PRKAG2: variants seen among roughly 807,000 people sequenced by gnomAD.
The protein encoded by PRKAG2 is 5'-AMP-activated protein kinase subunit gamma-2.
A neutral mutation model predicts 69.6 loss-of-function variants in PRKAG2; 26 were observed. The ratio of observed to expected loss-of-function variants is 0.37; its 90% CI spans 0.27 to 0.52. The LOEUF is 0.52. Among genes scored for constraint, PRKAG2 ranks in the 20% least tolerant of loss-of-function variants. The pLI, the probability that PRKAG2 is intolerant of heterozygous loss-of-function variation, is 0.90. For synonymous variants in PRKAG2, 293 were observed against 285.0 expected (o/e 1.03, Z -0.28); for missense variants, 557 against 740.0 (o/e 0.75, Z 2.87).
At position 151,756,658 on chromosome 7, in the gene PRKAG2, G is replaced by C. The variant is rs1235644503; in HGVS notation, c.466+24494C>G. ...GTTCCTGCCAGACAGACCAACTGCA[G>C]CTCCTGGTTCCAGCCCCGCCAGGGC... On this transcript the variant is annotated intron_variant, in intron 3 of 15. Coordinates refer to ENST00000287878, the MANE Select transcript of PRKAG2 (RefSeq NM_016203.4). The surrounding 1 kb of genome is among the most constrained non-coding windows in gnomAD (Gnocchi z 4.9). 6.6e-6 allele frequency among the ~76,000 whole-genome samples: 1 copy of C among 152,182 alleles called. No individual in the cohort carries two copies. The highest frequency in any genetic ancestry group is 2.1e-4 in the South Asian group (1 of 4,830).
intron 10 of PRKAG2, among the ~76,000 whole-genome samples, chr7:151,569,446 C>T (rs73727854): frequency 0.021 from 3,252 of 152,334 alleles, 96 homozygotes; most frequent in African/African-American, 0.074. Context: ...AGAGCAAAGG[C>T]TGTAGCAGCA....
At chr7:151,789,361 A>G (rs1274623289) in intron 1 of PRKAG2, among the ~76,000 whole-genome samples, 1 of 152,080 alleles carries the variant, frequency 6.6e-6, no homozygotes, top group East Asian at 1.9e-4. Context: ...TGTTCTGTGC[A>G]CTTAACCTTT....
chr7:151,670,704 C>T lies in PRKAG2; in HGVS notation c.684+4716G>A, dbSNP rs573792907. On this transcript the variant is annotated intron_variant, in intron 4 of 15. Transcript: ENST00000287878. Reference sequence around the variant, plus strand: ...TTCCTTTGTTCAATTAGTAGATATTCACTGACACCTTCCTATGCATAATGC... The same window carrying T: ...TTCCTTTGTTCAATTAGTAGATATTTACTGACACCTTCCTATGCATAATGC... Among the ~76,000 whole-genome samples, 4 of 152,308 alleles carry T rather than the reference C, an allele frequency of 2.6e-5. No homozygotes were observed. In the East Asian group the frequency reaches 7.7e-4, roughly 29 times the overall value.
At chr7:151,617,163 G>A (rs1431843823) in intron 5 of PRKAG2, among the ~76,000 whole-genome samples, 2 of 151,432 alleles carry the variant, frequency 1.3e-5, no homozygotes, top group East Asian at 1.9e-4. Flanking sequence ...TGGGGAGGCT[G>A]AGGTAGGAGA....
intron 8 of PRKAG2, among the ~76,000 whole-genome samples, chr7:151,573,803 G>A (rs930624798): frequency 3.3e-5 from 5 of 152,238 alleles, no homozygotes; most frequent in Admixed American, 2.6e-4. Flanking sequence ...TTCGGAGACA[G>A]AGTCTCCCTC....
At chr7:151,860,149 AT>A (rs2079883167) in intron 1 of PRKAG2, among the ~76,000 whole-genome samples, 1 of 152,124 alleles carries the variant, frequency 6.6e-6, no homozygotes, top group Admixed American at 6.5e-5. Context: ...TCCACCTTCC[AT>A]TAAGCACATT....
At chr7:151,691,484 T>TAAAAAAAAAAAAAAAAAAAAAAAAA (rs56411327) in intron 3 of PRKAG2, among the ~76,000 whole-genome samples, 1 of 137,900 alleles carries the variant, frequency 7.3e-6, no homozygotes. Flanking sequence ...AAAAACTCAG[T>TAAAAAAAAAAAAAAAAAAAAAAAAA]AAAAAAAAAA....
In PRKAG2 at chr7:151,596,163, G is replaced by A. The variant is rs80272667; in HGVS notation, c.755-709C>T. ...AAAGAAATAAAAGGCATCCAAATAT[G>A]GAAACAAGGAAGTTAAATTGTCCCT... On this transcript the variant is annotated intron_variant, in intron 5 of 15. Transcript: ENST00000287878. Among the ~76,000 whole-genome samples the A allele has an allele frequency of 2.2e-3, 335 of 152,144 alleles. 1 individual carries two copies. The highest frequency in any genetic ancestry group is 7.5e-3 in the African/African-American group (310 of 41,504).
intron 5 of PRKAG2, among the ~76,000 whole-genome samples, chr7:151,629,171 T>C (rs1823767371): frequency 6.6e-6 from 1 of 152,174 alleles, no homozygotes; most frequent in Non-Finnish European, 1.5e-5. Flanking sequence ...AATTGAGTGG[T>C]TGTGACAGAA....
chr7:151,683,894 C>G (rs1834267099), intron 3 of PRKAG2, among the ~76,000 whole-genome samples: 1 of 152,194 alleles, frequency 6.6e-6, no homozygotes, highest in South Asian at 2.1e-4. Flanking sequence ...CCTCTGATGT[C>G]TGCTTAGGAC....
At position 151,576,578 on chromosome 7, in the gene PRKAG2, G is replaced by A. The variant is rs867881110; in HGVS notation, c.865-126C>T. 3.8e-6 allele frequency: 3 copies of A among 785,534 alleles called. No individual in the cohort carries two copies. The Middle Eastern group carries it at 7.1e-4, about 185-fold the overall frequency. 48.7% of individuals were successfully genotyped at this position (785,534 alleles called of 1,614,324 possible). On this transcript the variant is annotated intron_variant, in intron 6 of 15. Transcript: ENST00000287878. ...TGCAGTGGCACCATCTTGGCTCACA[G>A]CAACCTCTGCTTCCTGGGCTCAATT...
At chr7:151,741,388 C>T (rs999703251) in intron 3 of PRKAG2, among the ~76,000 whole-genome samples, 1 of 151,442 alleles carries the variant, frequency 6.6e-6, no homozygotes, top group Admixed American at 6.6e-5. Flanking sequence ...ACAGAAAGAA[C>T]ATTTCAAGGC....
intron 4 of PRKAG2, among the ~76,000 whole-genome samples, chr7:151,643,996 T>C (rs141443361): frequency 3.9e-4 from 59 of 152,330 alleles, no homozygotes; most frequent in African/African-American, 1.4e-3. Flanking sequence ...AAACGAAACA[T>C]TGTGTGTTCT....
rs540738161 is a variant in PRKAG2 at position 151,655,850 on chromosome 7, A to T, written c.684+19570T>A. On this transcript the variant is annotated intron_variant, in intron 4 of 15. Coordinates refer to ENST00000287878, the MANE Select transcript of PRKAG2 (RefSeq NM_016203.4). ...TATAAGAGTGCCAGCACTTAGTAAG[A>T]GCTCAGTAAATTATTATCACACCCC... is the stretch of plus-strand genomic sequence containing the variant. Among the ~76,000 whole-genome samples, 19 of 152,252 alleles carry T rather than the reference A, an allele frequency of 1.2e-4. No homozygotes were observed. In the South Asian group the frequency reaches 3.9e-3, roughly 32 times the overall value.
Position 151,565,390 on chromosome 7 carries a change from A to G in PRKAG2, c.1400-7T>C. On this transcript the variant is annotated splice_polypyrimidine_tract_variant and splice_region_variant and intron_variant, in intron 12 of 15. Transcript: ENST00000287878. The stretch of plus-strand genomic sequence containing the variant: ...TAAATATCTACAACTTTTCCTAAAA[A>G]TGAAAAATATATGTTAGAAAAATGT... 1 of 1,352,038 alleles carries G rather than the reference A, an allele frequency of 7.4e-7. No individual in the cohort carries two copies. Among genetic ancestry groups the G allele is most frequent in the Non-Finnish European group, 1.0e-6 (1 of 969,452 alleles). The allele number at this position is 1,352,038 out of a possible 1,614,324, so 83.8% of individuals were successfully genotyped here. A position where few individuals can be genotyped will look rare whatever the true frequency, so the allele number is the denominator to read the frequency against.
intron 1 of PRKAG2, among the ~76,000 whole-genome samples, chr7:151,863,176 C>T (rs1428088114): frequency 6.6e-6 from 1 of 151,168 alleles, no homozygotes; most frequent in Non-Finnish European, 1.5e-5. Context: ...GCTGGTAGAT[C>T]CCCGGGTGCA....
intron 1 of PRKAG2, among the ~76,000 whole-genome samples, chr7:151,822,013 C>T (rs1014718548): frequency 2.1e-4 from 32 of 152,214 alleles, no homozygotes; most frequent in Non-Finnish European, 4.4e-4. Context: ...CTGGGAGGCA[C>T]CCCAGTGCGT....
At chr7:151,574,228 C>T (rs1470612759) in intron 8 of PRKAG2, among the ~76,000 whole-genome samples, 1 of 152,172 alleles carries the variant, frequency 6.6e-6, no homozygotes, top group African/African-American at 2.4e-5. Context: ...GTATGCAATC[C>T]TGTCCTTCCC....
chr7:151,562,824 G>A (rs1206803455), intron 14 of PRKAG2, among the ~76,000 whole-genome samples: 7 of 151,858 alleles, frequency 4.6e-5, no homozygotes, highest in East Asian at 3.9e-4. Flanking sequence ...AAAATTAGGC[G>A]GGCGCCTGTA....
Sources: allele counts gnomAD v4.1 joint callset (sites outside exome capture counted in the v4.1 genomes callset), GRCh38; gene constraint gnomAD v4.1.1; non-coding constraint Gnocchi (gnomAD v3.1); transcripts MANE v1.5; gene names NCBI Gene and HGNC (gene_info 2026-07-23, HGNC 2026-07-21).